Variants in DST observed in about 807,000 individuals in gnomAD.
DST encodes bullous pemphigoid antigen.
DST carries 253 observed loss-of-function variants against 875.2 expected under a neutral mutation model. That is an observed-to-expected ratio of 0.29 (90% CI 0.26 to 0.32). DST has a LOEUF of 0.32. Among genes scored for constraint, DST ranks in the 10% least tolerant of loss-of-function variants. The pLI is 1.00. For missense variants in DST, 8,287 were observed against 9,111.6 expected, an observed-to-expected ratio of 0.91 and a Z score of 3.68; for synonymous variants, 3,124 against 3,197.1, an observed-to-expected ratio of 0.98 and a Z score of 0.77.
Position 56,900,680 on chromosome 6 carries a change from C to T in DST, c.217-59G>A, listed in dbSNP as rs1335786271. The T allele has an allele frequency of 6.2e-5, 78 of 1,266,930 alleles. No homozygotes were observed. The South Asian group carries it at 8.7e-4, about 14-fold the overall frequency. 78.5% of individuals were successfully genotyped at this position (1,266,930 alleles called of 1,614,324 possible). On this transcript the variant is annotated intron_variant, in intron 2 of 103. Transcript: ENST00000680361. ...TTTGTATTGAGTTAGTCTGGAAGTT[C>T]TCCATGGCTAGTTATACAAAGAGCT...
intron 61 of DST, among the ~76,000 whole-genome samples, chr6:56,546,871 A>G (rs1352786267): frequency 6.6e-6 from 1 of 152,178 alleles, no homozygotes; most frequent in Non-Finnish European, 1.5e-5. Context: ...TAATGACAGT[A>G]GATACCGCAG....
At chr6:56,620,691 C>A in intron 36 of DST, 1 of 1,614,052 alleles carries the variant, frequency 6.2e-7, no homozygotes, top group Non-Finnish European at 8.5e-7. Flanking sequence ...GCCCCATGTT[C>A]AGAAGTCTCC....
chr6:56,700,820 A>T lies in DST; in HGVS notation c.954+1068T>A, dbSNP rs1588854259. The stretch of plus-strand genomic sequence containing the variant: ...TCTGGAAACTTTCACTAGAATGATG[A>T]ATAATAAGCAAACAACAATAACATT... On this transcript the variant is annotated intron_variant, in intron 8 of 103. Transcript: ENST00000680361. 2.0e-5 allele frequency among the ~76,000 whole-genome samples: 3 copies of T among 152,306 alleles called. No individual in the cohort carries two copies. The South Asian group carries it at 6.2e-4, about 32-fold the overall frequency.
At chr6:56,613,383 G>T (rs1308307595) in intron 37 of DST, among the ~76,000 whole-genome samples, 1 of 152,106 alleles carries the variant, frequency 6.6e-6, no homozygotes, top group Admixed American at 6.6e-5. Context: ...CCTCAAATAA[G>T]GAACACTTGC....
intron 4 of DST, among the ~76,000 whole-genome samples, chr6:56,752,521 G>A (rs2099590447): frequency 6.6e-6 from 1 of 151,892 alleles, no homozygotes; most frequent in African/African-American, 2.4e-5. Context: ...CCTGATTTCT[G>A]ACACTGTAGA....
intron 4 of DST, among the ~76,000 whole-genome samples, chr6:56,761,686 C>T (rs1199569903): frequency 6.6e-6 from 1 of 151,904 alleles, no homozygotes; most frequent in East Asian, 1.9e-4. Context: ...GCATCTTAAC[C>T]CCAGGTTAGG....
At chr6:56,614,915 TC>T (rs1348177332) in intron 36 of DST, 1 of 990,900 alleles carries the variant, frequency 1.0e-6, no homozygotes, top group East Asian at 1.1e-4. Context: ...AGAAAATCCT[TC>T]CCCTCCTCCA....
chr6:56,525,195 C>G (rs997451170), intron 69 of DST, among the ~76,000 whole-genome samples: 6 of 152,108 alleles, frequency 3.9e-5, no homozygotes, highest in African/African-American at 1.4e-4. Context: ...TTTAGAGAAG[C>G]CTTCAGTGCC....
At chr6:56,786,156 T>TGG (rs1192381450) in intron 4 of DST, among the ~76,000 whole-genome samples, 80 of 152,124 alleles carry the variant, frequency 5.3e-4, no homozygotes, top group African/African-American at 1.9e-3. Context: ...GTCTTTCATT[T>TGG]GGGGGGGAGG....
At position 56,851,581 on chromosome 6, in the gene DST, G is replaced by A. The variant is rs777024068; in HGVS notation, c.441C>T (p.Arg147=). Residue 147 remains arginine (R), a synonymous_variant, in exon 4 of 104, where the codon CGC becomes CGT. Coordinates refer to ENST00000680361, the MANE Select transcript of DST (RefSeq NM_001374736.1). ...RRPSSGNASY[R]CSMSSSADFS... ...AATCCGCAGAGGAAGACATAGAGCA[G>A]CGATAGGACGCGTTCCCGGAACTCT... 1.2e-6 allele frequency: 2 copies of A among 1,613,932 alleles called. No homozygotes were observed. Among genetic ancestry groups the A allele is most frequent in the Admixed American group, 1.7e-5 (1 of 60,008 alleles).
At chr6:56,801,036 A>AACAAAC (rs1261857607) in intron 4 of DST, among the ~76,000 whole-genome samples, 2 of 151,864 alleles carry the variant, frequency 1.3e-5, no homozygotes, top group African/African-American at 4.8e-5. Context: ...AAAAAAAAAA[A>AACAAAC]AAAAAAAAAA....
chr6:56,521,325 A>T (rs972736587), intron 69 of DST, among the ~76,000 whole-genome samples: 1 of 151,718 alleles, frequency 6.6e-6, no homozygotes, highest in Non-Finnish European at 1.5e-5. Context: ...ACAGTTATAA[A>T]TTTTTTTCTT....
At chr6:56,526,980 TATC>T (rs2096812822) in intron 68 of DST, among the ~76,000 whole-genome samples, 2 of 152,178 alleles carry the variant, frequency 1.3e-5, no homozygotes, top group African/African-American at 4.8e-5. Context: ...ACTGGCTTTA[TATC>T]ATGACAGTAG....
intron 4 of DST, among the ~76,000 whole-genome samples, chr6:56,754,253 T>C (rs930757529): frequency 6.6e-6 from 1 of 152,194 alleles, no homozygotes; most frequent in Admixed American, 6.5e-5. Context: ...ACGTAACTTA[T>C]TTGTAGATGC....
At chr6:56,629,136 A>T in intron 32 of DST, 114 bp downstream of exon 32, 1 of 996,916 alleles carries the variant, frequency 1.0e-6, no homozygotes, top group Non-Finnish European at 1.6e-6. Flanking sequence ...GAGGTATTGT[A>T]ATTAACAAAT....
chr6:56,514,268 T>A (rs895575758), intron 72 of DST, among the ~76,000 whole-genome samples: 2 of 152,178 alleles, frequency 1.3e-5, no homozygotes, highest in African/African-American at 4.8e-5. Context: ...GATATCAGAT[T>A]TCTGCCACAA....
chr6:56,895,773 G>C (rs1386546524), intron 3 of DST, among the ~76,000 whole-genome samples: 40 of 1,912 alleles, frequency 0.021, 3 homozygotes, highest in Non-Finnish European at 0.031. Flanking sequence ...CCGGCACCTC[G>C]GGAGGCCGAG....
chr6:56,781,386 CTTT>C (rs1420627726), intron 4 of DST, among the ~76,000 whole-genome samples: 1 of 152,174 alleles, frequency 6.6e-6, no homozygotes, highest in Non-Finnish European at 1.5e-5. Context: ...TTTGTATCCT[CTTT>C]TATTTCATTG....
intron 93 of DST, 50 bp from the exon 94 acceptor site, chr6:56,472,272 T>A: frequency 6.3e-7 from 1 of 1,578,822 alleles, no homozygotes; most frequent in Non-Finnish European, 8.6e-7. Flanking sequence ...GGTGCTGAAA[T>A]GTGTTAAGGC....
Sources: gnomAD v4.1 joint callset for allele counts (sites outside exome capture counted in the v4.1 genomes callset) on GRCh38, gnomAD v4.1.1 for gene constraint, MANE v1.5 for transcripts, NCBI Gene and HGNC (gene_info 2026-07-23, HGNC 2026-07-21) for gene names.